Variants in SULT1C2 observed in about 807,000 individuals in gnomAD.
The protein encoded by SULT1C2 is sulfotransferase family 1C member 2, also known as sulfotransferase 1C2.
Under a neutral mutation model 36.0 loss-of-function variants are expected in SULT1C2, and 27 were observed. The observed-to-expected ratio is 0.75, with a 90% CI of 0.55 to 1.03. The LOEUF (loss-of-function observed/expected upper bound fraction) is 1.03. SULT1C2 is among the 50% of genes least tolerant of loss of function. SULT1C2 has a pLI of 0.00. For missense variants in SULT1C2, 395 were observed against 359.2 expected (o/e 1.10, Z -0.80); for synonymous variants, 121 against 116.0 (o/e 1.04, Z -0.27).
At chr2:108,298,346 T>C (rs1321830400) in intron 3 of SULT1C2, among the ~76,000 whole-genome samples, 1 of 152,212 alleles carries the variant, frequency 6.6e-6, no homozygotes, top group African/African-American at 2.4e-5. Context: ...CTTGTTTCCT[T>C]GCTCATGTTT....
intron 4 of SULT1C2, 104 bp from the exon 5 acceptor site, chr2:108,304,470 G>A (rs1676968569): frequency 9.5e-6 from 13 of 1,366,726 alleles, no homozygotes; most frequent in Non-Finnish European, 1.3e-5. Context: ...CTGCAGAACT[G>A]AGCCAGAGTG....
At chr2:108,291,656 T>C (rs977916240) in intron 1 of SULT1C2, among the ~76,000 whole-genome samples, 2 of 152,200 alleles carry the variant, frequency 1.3e-5, no homozygotes, top group African/African-American at 4.8e-5. Context: ...AGGATTCGTA[T>C]ACAGATGTTG....
chr2:108,300,999 AC>A (rs1553420322), intron 4 of SULT1C2, 64 bp downstream of exon 4: 3 of 1,592,282 alleles, frequency 1.9e-6, no homozygotes, highest in Non-Finnish European at 2.6e-6. Context: ...AGTCCTGCAG[AC>A]CCCAACGCAG....
At chr2:108,294,076 A>G in intron 2 of SULT1C2, 153 bp from the exon 3 acceptor site, 1 of 1,427,042 alleles carries the variant, frequency 7.0e-7, no homozygotes, top group Non-Finnish European at 9.4e-7. Context: ...TCCATCCCTC[A>G]TGGACTTCTA....
At position 108,308,799 on chromosome 2, in the gene SULT1C2, T is replaced by G. The variant is rs1677084762; in HGVS notation, c.*335T>G. Reference sequence around the variant, plus strand: ...CCCAGTCTATAACATCATAATACCTTGAGTATAAGTCCAAATATTAGGTTA... The same window carrying G: ...CCCAGTCTATAACATCATAATACCTGGAGTATAAGTCCAAATATTAGGTTA... On this transcript the variant is annotated 3_prime_UTR_variant, in exon 8 of 8. Coordinates refer to ENST00000251481, the MANE Select transcript of SULT1C2 (RefSeq NM_001056.4). 1.0e-5 allele frequency: 2 copies of G among 200,516 alleles called. No homozygotes were observed. Among genetic ancestry groups the G allele is most frequent in the South Asian group, 2.8e-4 (2 of 7,042 alleles). The allele number at this position is 200,516 out of a possible 1,614,324, so 12.4% of individuals were successfully genotyped here. A position where few individuals can be genotyped will look rare whatever the true frequency, so the allele number is the denominator to read the frequency against.
chr2:108,299,328 T>TA (rs1676816179), intron 3 of SULT1C2: 1 of 152,356 alleles, frequency 6.6e-6, no homozygotes, highest in East Asian at 1.9e-4. Context: ...ATTATGCACT[T>TA]AAATGATACG....
At chr2:108,291,794 ACCTAACATAGAAGG>A (rs983844432) in intron 1 of SULT1C2, among the ~76,000 whole-genome samples, 2 of 152,188 alleles carry the variant, frequency 1.3e-5, no homozygotes, top group Non-Finnish European at 2.9e-5. Flanking sequence ...TCCACGAAGG[ACCTAACATAGAAGG>A]CCTGCAAGAA....
At chr2:108,289,987 A>G (rs897668008) in intron 1 of SULT1C2, among the ~76,000 whole-genome samples, 2 of 152,102 alleles carry the variant, frequency 1.3e-5, no homozygotes, top group Non-Finnish European at 2.9e-5. Context: ...CCTTCCACAC[A>G]TGTTCACAGC....
chr2:108,293,968 T>C (rs1334038545), intron 2 of SULT1C2, 150 bp downstream of exon 2: 12 of 1,327,772 alleles, frequency 9.0e-6, no homozygotes, highest in Admixed American at 2.7e-5. Flanking sequence ...ATGCCTGATA[T>C]CCGAGTTTTC....
chr2:108,300,657 G>A, intron 3 of SULT1C2, 181 bp from the exon 4 acceptor site: 1 of 1,040,998 alleles, frequency 9.6e-7, no homozygotes, highest in East Asian at 2.8e-5. Flanking sequence ...CAGGACTCAA[G>A]CTGTGTGATT....
intron 3 of SULT1C2, among the ~76,000 whole-genome samples, chr2:108,295,645 AGTT>A (rs1170468021): frequency 6.6e-6 from 1 of 152,194 alleles, no homozygotes; most frequent in East Asian, 1.9e-4. Context: ...TATCTCAAAG[AGTT>A]GTTGTGAGCA....
chr2:108,295,319 T>C (rs1676697560), intron 3 of SULT1C2, among the ~76,000 whole-genome samples: 1 of 152,232 alleles, frequency 6.6e-6, no homozygotes, highest in Admixed American at 6.5e-5. Flanking sequence ...CTACTCGCTT[T>C]GTAACCCAGT....
At chr2:108,294,072 C>A (rs1676662581) in intron 2 of SULT1C2, among the ~76,000 whole-genome samples, 157 bp from the exon 3 acceptor site, 1 of 152,138 alleles carries the variant, frequency 6.6e-6, no homozygotes, top group Admixed American at 6.5e-5. Flanking sequence ...AAAGTCCATC[C>A]CTCATGGACT....
chr2:108,296,837 G>A (rs1558678207), intron 3 of SULT1C2, among the ~76,000 whole-genome samples: 1 of 152,212 alleles, frequency 6.6e-6, no homozygotes, highest in Non-Finnish European at 1.5e-5. Context: ...ATAGACTCAT[G>A]GCTGTCGGCC....
chr2:108,297,921 G>C (rs1676777117), intron 3 of SULT1C2, among the ~76,000 whole-genome samples: 1 of 152,172 alleles, frequency 6.6e-6, no homozygotes, highest in Non-Finnish European at 1.5e-5. Context: ...GGATGACTGT[G>C]AGCCATCTAA....
At chr2:108,300,161 G>C (rs917891140) in intron 3 of SULT1C2, 2 of 152,280 alleles carry the variant, frequency 1.3e-5, no homozygotes, top group Admixed American at 1.3e-4. Context: ...GGTGGATCAC[G>C]AGGTCACCAG....
chr2:108,305,170 A>G lies in SULT1C2; in HGVS notation c.503-2A>G. ...CTATTCTGTTTCCTGTGTCTATTTCAGTGGTTTGGGGTTCCTGGTTTGACC... is the reference window on the plus strand; with the variant it reads ...CTATTCTGTTTCCTGTGTCTATTTCGGTGGTTTGGGGTTCCTGGTTTGACC... On this transcript the variant is annotated splice_acceptor_variant, in intron 5 of 7. Transcript: ENST00000251481. LOFTEE classifies it high-confidence loss of function. The G allele has an allele frequency of 5.6e-6, 9 of 1,614,072 alleles. No homozygotes were observed. The highest frequency in any genetic ancestry group is 7.6e-6 in the Non-Finnish European group (9 of 1,179,978).
rs1039366332 is a variant in SULT1C2, at chr2:108,309,647, C to T, written c.*1183C>T. ...TAGGGTATTTTTTTTAAAATAGGGT[C>T]TTGCTATGTTGCCCAGGCTGGTCTT... On this transcript the variant is annotated 3_prime_UTR_variant, in exon 8 of 8. Transcript: ENST00000251481. 6.6e-6 allele frequency: 1 copy of T among 151,588 alleles called. No individual in the cohort carries two copies. The highest frequency in any genetic ancestry group is 2.4e-5 in the African/African-American group (1 of 41,214). 9.4% of individuals were successfully genotyped at this position (151,588 alleles called of 1,614,324 possible).
intron 3 of SULT1C2, among the ~76,000 whole-genome samples, chr2:108,296,251 C>T (rs1209767276): frequency 6.6e-6 from 1 of 152,166 alleles, no homozygotes; most frequent in Admixed American, 6.5e-5. Flanking sequence ...ACTAAATCGG[C>T]ATAAAAACCA....
Sources: allele counts gnomAD v4.1 joint callset (sites outside exome capture counted in the v4.1 genomes callset), GRCh38; gene constraint gnomAD v4.1.1; transcripts MANE v1.5; gene names NCBI Gene and HGNC (gene_info 2026-07-23, HGNC 2026-07-21).